Variants in DAB2IP observed in about 807,000 individuals in gnomAD.
The protein encoded by DAB2IP is DAB2 interacting protein.
Under a neutral mutation model 107.2 loss-of-function variants are expected in DAB2IP, and 28 were observed. The observed-to-expected ratio is 0.26, with a 90% CI of 0.19 to 0.36. The LOEUF is 0.36. Ranked by LOEUF, DAB2IP falls within the 10% of genes least tolerant of loss-of-function variation. The pLI, the probability that DAB2IP is intolerant of heterozygous loss-of-function variation, is 1.00. For missense variants in DAB2IP, 1,400 were observed against 1,644.7 expected (o/e 0.85, Z 2.57); for synonymous variants, 755 against 706.4 (o/e 1.07, Z -1.09).
chr9:121,577,906 T>C (rs919099994), intron 1 of DAB2IP, among the ~76,000 whole-genome samples: 2 of 152,074 alleles, frequency 1.3e-5, no homozygotes, highest in African/African-American at 4.8e-5. Context: ...AGGGCGTCAC[T>C]CAGGGGTCCT....
exon 16 of DAB2IP, chr9:121,783,279 A>T (rs567275473): frequency 1.5e-6 from 2 of 1,365,260 alleles, no homozygotes; most frequent in South Asian, 1.7e-5. Context: ...CACACCTCCC[A>T]CACAGGCCCA....
chr9:121,716,947 C>CT (rs1343086093), intron 3 of DAB2IP, among the ~76,000 whole-genome samples: 2 of 152,240 alleles, frequency 1.3e-5, no homozygotes, highest in Non-Finnish European at 2.9e-5. Flanking sequence ...AGTGGGAACT[C>CT]TGTCTCCTTT....
chr9:121,772,156 A>G lies in DAB2IP; in HGVS notation c.2079-451A>G, dbSNP rs146839276. Among the ~76,000 whole-genome samples the G allele has an allele frequency of 1.7e-3, 258 of 152,310 alleles. 3 individuals carry two copies. Among genetic ancestry groups the G allele is most frequent in the African/African-American group, 6.0e-3 (248 of 41,566 alleles). Reference sequence around the variant, plus strand: ...GGAGGTTTCACCGGGCCCCCACTTCAGTTACCAGTCTGATTAGGAACAAGA... The same window carrying G: ...GGAGGTTTCACCGGGCCCCCACTTCGGTTACCAGTCTGATTAGGAACAAGA... On this transcript the variant is annotated intron_variant, in intron 11 of 15. Transcript: ENST00000408936. This position sits in a 1 kb window ranked among gnomAD's most constrained non-coding sequence, Gnocchi z 4.7.
intron 1 of DAB2IP, among the ~76,000 whole-genome samples, chr9:121,642,055 C>CTTTCTTTCTTTCTTTCTTTT (rs1832369640): frequency 3.3e-5 from 2 of 60,250 alleles, no homozygotes; most frequent in African/African-American, 7.8e-5. Flanking sequence ...TTCTTTCTTT[C>CTTTCTTTCTTTCTTTCTTTT]TTTCTTTCTT....
intron 1 of DAB2IP, among the ~76,000 whole-genome samples, chr9:121,585,475 C>T (rs577546851): frequency 2.6e-5 from 4 of 152,090 alleles, no homozygotes; most frequent in Non-Finnish European, 4.4e-5. Flanking sequence ...CAGGGCTGCA[C>T]GAGGGTTTGT....
chr9:121,739,096 T>C lies in DAB2IP; in HGVS notation c.363-17917T>C, dbSNP rs1433514178. 4.6e-5 allele frequency among the ~76,000 whole-genome samples: 7 copies of C among 152,336 alleles called. No individual in the cohort carries two copies. The East Asian group carries it at 1.2e-3, about 25-fold the overall frequency. On this transcript the variant is annotated intron_variant, in intron 3 of 15. Coordinates refer to ENST00000408936, the Ensembl canonical transcript of DAB2IP. ...TTTGCTAGCTGCATGAGCAAGATGC[T>C]ATGAAGGAAACAAGCCAAGTGTTCC...
rs968348487 is a variant in DAB2IP at position 121,693,974 on chromosome 9, T to A, written c.229-5351T>A. On this transcript the variant is annotated intron_variant, in intron 2 of 15. Transcript: ENST00000408936. ...CCCTGGTTCCCTAGGGGCTGCCTCC[T>A]CGGCTGGGAGTGTGGCACAGACAAG... 4.6e-5 allele frequency among the ~76,000 whole-genome samples: 7 copies of A among 152,248 alleles called. No homozygotes were observed. In the East Asian group the frequency reaches 1.4e-3, roughly 29 times the overall value.
chr9:121,768,546 A>C, exon 10 of DAB2IP: 1 of 1,614,166 alleles, frequency 6.2e-7, no homozygotes, highest in Non-Finnish European at 8.5e-7. Flanking sequence ...TCTCCAATAC[A>C]GCCGGCTTCG....
chr9:121,720,038 C>A (rs965136574), intron 3 of DAB2IP, among the ~76,000 whole-genome samples: 9 of 152,222 alleles, frequency 5.9e-5, no homozygotes, highest in African/African-American at 2.2e-4. Flanking sequence ...CCAAGCCTGG[C>A]AACTCTCTTC....
At chr9:121,614,529 C>T (rs1831206594) in intron 1 of DAB2IP, among the ~76,000 whole-genome samples, 2 of 150,998 alleles carry the variant, frequency 1.3e-5, no homozygotes, top group African/African-American at 2.4e-5. Context: ...TCAGTAGAGA[C>T]GGGGTTTCAC....
At chr9:121,747,154 G>A (rs1832773802) in intron 3 of DAB2IP, among the ~76,000 whole-genome samples, 1 of 152,040 alleles carries the variant, frequency 6.6e-6, no homozygotes, top group African/African-American at 2.4e-5. Context: ...CCTGGGGCTG[G>A]GGGTAGGGGG....
At chr9:121,780,339 C>T (rs1411767433) in intron 14 of DAB2IP, among the ~76,000 whole-genome samples, 4 of 152,192 alleles carry the variant, frequency 2.6e-5, no homozygotes, top group Admixed American at 6.5e-5. Context: ...GAGGGTCCCC[C>T]CCGCCACCAC....
At chr9:121,773,355 C>A in exon 12 of DAB2IP, 1 of 1,590,316 alleles carries the variant, frequency 6.3e-7, no homozygotes, top group Non-Finnish European at 8.6e-7. Context: ...GCTGAGCACC[C>A]TGCAGTACCC....
At position 121,698,096 on chromosome 9, in the gene DAB2IP, G is replaced by A. The variant is rs1829517542; in HGVS notation, c.229-1229G>A. 6.6e-6 allele frequency among the ~76,000 whole-genome samples: 1 copy of A among 152,202 alleles called. No homozygotes were observed. The highest frequency in any genetic ancestry group is 2.4e-5 in the African/African-American group (1 of 41,446). ...CCACTGCTCCTCTTGAACACAGAGA[G>A]GGCTGCCAAACTGACCCTTTATTTT... On this transcript the variant is annotated intron_variant, in intron 2 of 15. Coordinates refer to ENST00000408936, the Ensembl canonical transcript of DAB2IP. The surrounding 1 kb of genome is among the most constrained non-coding windows in gnomAD (Gnocchi z 4.1).
At chr9:121,668,057 T>C (rs1211116782) in intron 1 of DAB2IP, among the ~76,000 whole-genome samples, 2 of 152,156 alleles carry the variant, frequency 1.3e-5, no homozygotes, top group East Asian at 1.9e-4. Context: ...CAGAACGCTA[T>C]GGGGAAACCG....
intron 2 of DAB2IP, among the ~76,000 whole-genome samples, chr9:121,697,553 G>T (rs1390820846): frequency 6.6e-6 from 1 of 152,214 alleles, no homozygotes; most frequent in Non-Finnish European, 1.5e-5. Context: ...ACCGTTTGGG[G>T]TCCCTCTGCA....
At chr9:121,743,062 GC>G in intron 3 of DAB2IP, 1 of 931,178 alleles carries the variant, frequency 1.1e-6, no homozygotes, top group Non-Finnish European at 1.3e-6. Context: ...GAATACTCTG[GC>G]TGGGATGGAC....
chr9:121,582,544 C>T lies in DAB2IP; in HGVS notation c.40+15316C>T, dbSNP rs527607844. On this transcript the variant is annotated intron_variant, in intron 1 of 16. Coordinates refer to the DAB2IP transcript ENST00000259371. ...CCCTGCTGCAGACCTCCACTGGCGC[C>T]CCCGTGACTCTCAGGATCTGTTCCC... 1.7e-4 allele frequency among the ~76,000 whole-genome samples: 26 copies of T among 152,198 alleles called. No homozygotes were observed. The East Asian group carries it at 4.4e-3, about 26-fold the overall frequency.
In DAB2IP at chr9:121,782,242, G is replaced by A; in HGVS notation, c.3403-89G>A. 1 of 1,528,220 alleles carries A rather than the reference G, an allele frequency of 6.5e-7. No individual in the cohort carries two copies. The highest frequency in any genetic ancestry group is 8.8e-7 in the Non-Finnish European group (1 of 1,133,826). The allele number at this position is 1,528,220 out of a possible 1,614,324, so 94.7% of individuals were successfully genotyped here. On this transcript the variant is annotated intron_variant, in intron 15 of 15. Coordinates refer to ENST00000408936, the Ensembl canonical transcript of DAB2IP. This position sits in a 1 kb window ranked among gnomAD's most constrained non-coding sequence, Gnocchi z 6.1. ...GCCTGCCTGCCACCCTCATCTCCAG[G>A]CCACCCCCTTCCCCGATGCTTGTCG...
Sources: gnomAD v4.1 joint callset for allele counts (sites outside exome capture counted in the v4.1 genomes callset) on GRCh38, gnomAD v4.1.1 for gene constraint, Gnocchi (gnomAD v3.1) non-coding constraint, MANE v1.5 for transcripts, NCBI Gene and HGNC (gene_info 2026-07-23, HGNC 2026-07-21) for gene names.